The following LRRC37A2 variants were observed in gnomAD, a reference collection of about 807,000 sequenced individuals.
LRRC37A2 encodes the protein leucine-rich repeat-containing protein 37A2.
A neutral mutation model predicts 68.8 loss-of-function variants in LRRC37A2; 9 were observed. The observed-to-expected ratio is 0.13, with a 90% CI of 0.08 to 0.23. The LOEUF (loss-of-function observed/expected upper bound fraction) is 0.23. Among genes scored for constraint, LRRC37A2 ranks in the 10% least tolerant of loss-of-function variants. The pLI is 1.00. For missense variants in LRRC37A2, 168 were observed against 950.4 expected (o/e 0.18, Z 10.82); for synonymous variants, 63 against 367.6 (o/e 0.17, Z 9.48).
chr17:46,835,313 G>A, the LRRC37A2 span, among the ~76,000 whole-genome samples: 3 of 152,104 alleles, frequency 2.0e-5, no homozygotes, highest in Non-Finnish European at 4.4e-5. Context: ...CCGGGTTCAC[G>A]CCATTCTCCT....
the LRRC37A2 span, chr17:46,948,622 T>C: frequency 6.6e-6 from 1 of 152,226 alleles, no homozygotes; most frequent in African/African-American, 2.4e-5. Context: ...TTCACAGAAC[T>C]GTGGTGAAGA....
At chr17:46,478,719 C>G in the LRRC37A2 span, among the ~76,000 whole-genome samples, 14 of 111,918 alleles carry the variant, frequency 1.3e-4, 4 homozygotes, top group Non-Finnish European at 2.7e-4. Context: ...GAACGCATGT[C>G]AGATATGGTC....
chr17:46,859,791 C>T, the LRRC37A2 span, among the ~76,000 whole-genome samples: 2 of 152,046 alleles, frequency 1.3e-5, no homozygotes, highest in African/African-American at 2.4e-5. Context: ...GGAAGATTGA[C>T]GTTCTAACAA....
chr17:46,835,142 ACAC>A, the LRRC37A2 span, among the ~76,000 whole-genome samples: 3 of 151,896 alleles, frequency 2.0e-5, no homozygotes, highest in South Asian at 6.2e-4. Flanking sequence ...CTACAGGAAC[ACAC>A]CACCACACCT....
At chr17:47,001,479 A>G in the LRRC37A2 span, among the ~76,000 whole-genome samples, 1 of 152,134 alleles carries the variant, frequency 6.6e-6, no homozygotes, top group Admixed American at 6.6e-5. Flanking sequence ...TAATTTTTGA[A>G]CATTTTAGGC....
At chr17:46,922,850 G>T in the LRRC37A2 span, 2 of 383,064 alleles carry the variant, frequency 5.2e-6, no homozygotes, top group East Asian at 5.4e-5. Flanking sequence ...AGATGATAGC[G>T]GCTCGCCTTC....
At chr17:46,883,701 T>A in the LRRC37A2 span, among the ~76,000 whole-genome samples, 1 of 152,152 alleles carries the variant, frequency 6.6e-6, no homozygotes, top group Non-Finnish European at 1.5e-5. Context: ...CGGGGAGTGC[T>A]GGGCACGGCC....
chr17:46,939,911 G>A, the LRRC37A2 span: 153 of 998,824 alleles, frequency 1.5e-4, no homozygotes, highest in African/African-American at 2.6e-3. Flanking sequence ...CCTGGTTAGT[G>A]TATGTTCTCA....
the LRRC37A2 span, among the ~76,000 whole-genome samples, chr17:46,998,191 CAG>C: frequency 6.6e-6 from 1 of 152,110 alleles, no homozygotes; most frequent in African/African-American, 2.4e-5. Flanking sequence ...TTAAGAAACA[CAG>C]AGAGAAATAA....
chr17:46,940,459 C>G, the LRRC37A2 span: 4 of 1,609,814 alleles, frequency 2.5e-6, no homozygotes, highest in Non-Finnish European at 3.4e-6. Flanking sequence ...CCATTACACA[C>G]AGCACTGCTG....
the LRRC37A2 span, among the ~76,000 whole-genome samples, chr17:46,784,830 C>T: frequency 6.8e-6 from 1 of 147,982 alleles, no homozygotes; most frequent in South Asian, 2.1e-4. Flanking sequence ...GGCTGGAGTG[C>T]AGTGGCGCGA....
chr17:46,992,512 T>C, the LRRC37A2 span, among the ~76,000 whole-genome samples: 3 of 152,158 alleles, frequency 2.0e-5, no homozygotes, highest in Non-Finnish European at 2.9e-5. Flanking sequence ...CATTGATATT[T>C]TTAAAGCTTC....
chr17:46,875,523 C>T, the LRRC37A2 span, among the ~76,000 whole-genome samples: 11 of 152,314 alleles, frequency 7.2e-5, no homozygotes, highest in African/African-American at 2.6e-4. Context: ...CCAGCATTCC[C>T]TTGGCATCTA....
the LRRC37A2 span, among the ~76,000 whole-genome samples, chr17:46,455,662 C>T: frequency 4.4e-5 from 6 of 136,478 alleles, no homozygotes; most frequent in African/African-American, 8.1e-5. Flanking sequence ...TTTTCCATGG[C>T]GACACACTAT....
the LRRC37A2 span, among the ~76,000 whole-genome samples, chr17:46,493,414 G>A: frequency 1.5e-5 from 2 of 131,986 alleles, no homozygotes; most frequent in African/African-American, 3.1e-5. Flanking sequence ...TGCCTGCCTC[G>A]GCCTCCCAAA....
At chr17:46,460,735 T>C in the LRRC37A2 span, among the ~76,000 whole-genome samples, 1 of 81,204 alleles carries the variant, frequency 1.2e-5, no homozygotes, top group Non-Finnish European at 2.6e-5. Flanking sequence ...AGAATTAGTG[T>C]ACTGAAAGAT....
chr17:46,800,871 G>A, the LRRC37A2 span, among the ~76,000 whole-genome samples: 1 of 152,318 alleles, frequency 6.6e-6, no homozygotes, highest in Admixed American at 6.5e-5. Context: ...GCTGCGCAGA[G>A]GAAGTGATGG....
chr17:46,898,063 G>A, the LRRC37A2 span, among the ~76,000 whole-genome samples: 15 of 152,226 alleles, frequency 9.9e-5, no homozygotes, highest in African/African-American at 2.6e-4. Flanking sequence ...TGAATGTTCC[G>A]GAGACAGAGC....
the LRRC37A2 span, among the ~76,000 whole-genome samples, chr17:47,007,068 C>T: frequency 2.0e-5 from 3 of 152,228 alleles, no homozygotes; most frequent in East Asian, 3.8e-4. Flanking sequence ...GCAGTATTAA[C>T]CCTTTTCCCA....
Sources: allele counts gnomAD v4.1 joint callset (sites outside exome capture counted in the v4.1 genomes callset), GRCh38; gene constraint gnomAD v4.1.1; transcripts MANE v1.5; gene names NCBI Gene and HGNC (gene_info 2026-07-23, HGNC 2026-07-21).